SPTBN1: variants seen among roughly 807,000 people sequenced by gnomAD.
SPTBN1 encodes the protein spectrin beta chain, non-erythrocytic 1.
In SPTBN1, 32 loss-of-function variants were observed where a neutral mutation model predicts 266.4. That is an observed-to-expected ratio of 0.12 (90% CI 0.09 to 0.16). The LOEUF (loss-of-function observed/expected upper bound fraction) is 0.16. Among genes scored for constraint, SPTBN1 ranks in the 10% least tolerant of loss-of-function variants. The pLI, the probability that SPTBN1 is intolerant of heterozygous loss-of-function variation, is 1.00. For missense variants in SPTBN1, 2,296 were observed against 3,067.1 expected (o/e 0.75, Z 5.94); for synonymous variants, 1,336 against 1,162.2 (o/e 1.15, Z -3.04).
At chr2:54,631,694 T>C in intron 16 of SPTBN1, 83 bp downstream of exon 16, 1 of 1,504,124 alleles carries the variant, frequency 6.6e-7, no homozygotes, top group Non-Finnish European at 8.9e-7. Context: ...GGGCAGCTGG[T>C]TTAAACCACA....
In SPTBN1 at chr2:54,632,784, G is replaced by T. The variant is rs767145048; in HGVS notation, c.3767+16G>T. 1 of 1,613,426 alleles carries T rather than the reference G, an allele frequency of 6.2e-7. No homozygotes were observed. Among genetic ancestry groups the T allele is most frequent in the South Asian group, 1.1e-5 (1 of 90,944 alleles). ...TTGATGACAGGTACAGTTTTCTGAGGTTCTTAAGGGAGCCTTGCACCTTGG... is the reference window on the plus strand; with the variant it reads ...TTGATGACAGGTACAGTTTTCTGAGTTTCTTAAGGGAGCCTTGCACCTTGG... On this transcript the variant is annotated intron_variant, in intron 17 of 35. Transcript: ENST00000356805.
At chr2:54,507,802 C>CTTTTTTTTTTT (rs35551436) in intron 1 of SPTBN1, among the ~76,000 whole-genome samples, 1 of 139,834 alleles carries the variant, frequency 7.2e-6, no homozygotes, top group Non-Finnish European at 1.5e-5. Flanking sequence ...ATAGAGTCCC[C>CTTTTTTTTTTT]TTTTTTTTTT....
At position 54,495,019 on chromosome 2, in the gene SPTBN1, C is replaced by T. The variant is rs192482538; in HGVS notation, c.-47-31353C>T. ...GCCTGCTCACAGTCAAGAACAGGGG[C>T]AGAAGTGGGCTGACAGGTGTAGTGC... On this transcript the variant is annotated intron_variant, in intron 1 of 35. Coordinates refer to ENST00000356805, the MANE Select transcript of SPTBN1 (RefSeq NM_003128.3). Among the ~76,000 whole-genome samples the T allele has an allele frequency of 3.7e-3, 562 of 151,988 alleles. 2 individuals are homozygous for T. Among genetic ancestry groups the T allele is most frequent in the Middle Eastern group, 0.017 (5 of 294 alleles).
intron 2 of SPTBN1, chr2:54,526,898 T>C (rs764577820): frequency 1.5e-5 from 3 of 195,094 alleles, no homozygotes; most frequent in Non-Finnish European, 3.1e-5. Context: ...CTCAAAAATA[T>C]ACAAATTAAC....
At chr2:54,467,073 C>T (rs374996620) in intron 1 of SPTBN1, among the ~76,000 whole-genome samples, 2 of 151,948 alleles carry the variant, frequency 1.3e-5, no homozygotes, top group South Asian at 2.1e-4. Context: ...CTTTGGCTCT[C>T]GGTGAAGTTT....
chr2:54,530,263 G>T (rs895832724), intron 2 of SPTBN1, among the ~76,000 whole-genome samples: 86 of 151,166 alleles, frequency 5.7e-4, no homozygotes, highest in Non-Finnish European at 1.6e-4. Flanking sequence ...ATGTATCTAA[G>T]GAAATAGGGT....
At chr2:54,574,463 T>C (rs898442253) in intron 2 of SPTBN1, among the ~76,000 whole-genome samples, 4 of 152,216 alleles carry the variant, frequency 2.6e-5, no homozygotes, top group Admixed American at 1.3e-4. Context: ...TTGAGTCTGT[T>C]TTGAAACAAC....
At chr2:54,587,258 G>A (rs1022921714) in intron 2 of SPTBN1, among the ~76,000 whole-genome samples, 1 of 152,134 alleles carries the variant, frequency 6.6e-6, no homozygotes, top group Admixed American at 6.5e-5. Context: ...TGTGCCACAT[G>A]GTAGACTAGT....
At chr2:54,666,228 G>T (rs896775733) in intron 34 of SPTBN1, 140 bp downstream of exon 34, 1 of 918,178 alleles carries the variant, frequency 1.1e-6, no homozygotes, top group Non-Finnish European at 1.6e-6. Flanking sequence ...TGAAAAACCA[G>T]TTTGGCACGT....
At chr2:54,622,948 C>G (rs539976372) in intron 9 of SPTBN1, among the ~76,000 whole-genome samples, 1 of 152,290 alleles carries the variant, frequency 6.6e-6, no homozygotes, top group Non-Finnish European at 1.5e-5. Flanking sequence ...AATTTCATAA[C>G]AGTTCAGAAC....
At chr2:54,559,024 C>G in intron 2 of SPTBN1, 1 of 978,820 alleles carries the variant, frequency 1.0e-6, no homozygotes. Flanking sequence ...GCACCCCATT[C>G]ACGACTTAGG....
intron 2 of SPTBN1, among the ~76,000 whole-genome samples, chr2:54,567,396 G>T (rs1673736941): frequency 6.6e-6 from 1 of 152,062 alleles, no homozygotes; most frequent in Non-Finnish European, 1.5e-5. Flanking sequence ...CTGGAGTGCA[G>T]TGGCACAATC....
At chr2:54,605,022 G>T (rs570676580) in intron 3 of SPTBN1, among the ~76,000 whole-genome samples, 19 of 152,242 alleles carry the variant, frequency 1.2e-4, no homozygotes, top group African/African-American at 4.3e-4. Flanking sequence ...GAAGCATGCC[G>T]CACTAGGGAA....
chr2:54,572,714 T>C (rs1398107873), intron 2 of SPTBN1, among the ~76,000 whole-genome samples: 3 of 152,208 alleles, frequency 2.0e-5, no homozygotes, highest in African/African-American at 7.2e-5. Context: ...TGGGATGTTA[T>C]TTTTTTCACT....
At chr2:54,479,339 A>G (rs541555947) in intron 1 of SPTBN1, among the ~76,000 whole-genome samples, 12 of 152,358 alleles carry the variant, frequency 7.9e-5, no homozygotes, top group African/African-American at 2.2e-4. Flanking sequence ...AATTAAATAA[A>G]TAAATCCCAT....
rs1681541772 is a variant in SPTBN1 at position 54,668,590 on chromosome 2, GCCCTTCTCTTA to G, written c.*24_*34del. On this transcript the variant is annotated 3_prime_UTR_variant, in exon 36 of 36. Transcript: ENST00000356805. Reference sequence around the variant, plus strand: ...AATGAACTCCTTTCCTTCACCTCCTGCCCTTCTCTTACCTTTTCAGTGAAATTCCAGCATGC... The same window carrying G: ...AATGAACTCCTTTCCTTCACCTCCTGCCTTTTCAGTGAAATTCCAGCATGC... 1 of 1,583,528 alleles carries G rather than the reference GCCCTTCTCTTA, an allele frequency of 6.3e-7. No homozygotes were observed.
intron 1 of SPTBN1, among the ~76,000 whole-genome samples, chr2:54,469,572 G>A (rs143958311): frequency 2.0e-5 from 3 of 152,316 alleles, no homozygotes; most frequent in African/African-American, 4.8e-5. Context: ...GCTGCCTGAA[G>A]CCTGGTGTAG....
chr2:54,609,367 C>T (rs1001621203), intron 3 of SPTBN1, among the ~76,000 whole-genome samples: 2 of 152,160 alleles, frequency 1.3e-5, no homozygotes, highest in African/African-American at 4.8e-5. Context: ...TCATAATTTC[C>T]TTCATTGGCT....
chr2:54,480,109 A>C (rs58241644), intron 1 of SPTBN1, among the ~76,000 whole-genome samples: 10,441 of 152,210 alleles, frequency 0.069, 1,218 homozygotes, highest in African/African-American at 0.24. Context: ...CTACGTGTAT[A>C]TGTGGCACTT....
Sources: gnomAD v4.1 joint callset for allele counts (sites outside exome capture counted in the v4.1 genomes callset) on GRCh38, gnomAD v4.1.1 for gene constraint, MANE v1.5 for transcripts, NCBI Gene and HGNC (gene_info 2026-07-23, HGNC 2026-07-21) for gene names.